PLCB1: variants seen among roughly 807,000 people sequenced by gnomAD.
PLCB1 encodes the protein phospholipase C beta 1.
In PLCB1, 46 loss-of-function variants were observed where a neutral mutation model predicts 161.8. The observed-to-expected ratio is 0.28, with a 90% confidence interval of 0.22 to 0.36. The LOEUF is 0.36. Among genes scored for constraint, PLCB1 ranks in the 10% least tolerant of loss-of-function variants. The probability of loss-of-function intolerance (pLI) is 1.00; values close to 1 mark genes in which losing one functional copy is unlikely to be tolerated. For synonymous variants in PLCB1, 517 were observed against 503.7 expected (o/e 1.03, Z -0.35); for missense variants, 1,016 against 1,472.5 (o/e 0.69, Z 5.07).
At chr20:8,525,809 G>A (rs1478657490) in intron 3 of PLCB1, among the ~76,000 whole-genome samples, 1 of 150,880 alleles carries the variant, frequency 6.6e-6, no homozygotes, top group Non-Finnish European at 1.5e-5. Context: ...GGAGGCTAGA[G>A]GATGATGATG....
chr20:8,676,875 G>A (rs777089321), intron 9 of PLCB1, among the ~76,000 whole-genome samples: 15 of 152,098 alleles, frequency 9.9e-5, no homozygotes, highest in Non-Finnish European at 1.3e-4. Flanking sequence ...GTGAGAATTC[G>A]TTAAGTATAC....
chr20:8,204,820 T>G (rs940082418), intron 2 of PLCB1, among the ~76,000 whole-genome samples: 7 of 152,206 alleles, frequency 4.6e-5, no homozygotes, highest in Non-Finnish European at 1.0e-4. Context: ...TCTGTTGTTA[T>G]TCAACAAATA....
rs1986238562 is a variant in PLCB1 at position 8,835,316 on chromosome 20, T to C, written c.3423+45055T>C. On this transcript the variant is annotated intron_variant, in intron 31 of 31. Transcript: ENST00000338037. The stretch of plus-strand genomic sequence containing the variant: ...GAGGTGAGGCTGGTAGCAGGCTTGA[T>C]AGACCATGGACATGGCTTTTTGTCT... Among the ~76,000 whole-genome samples, 3 of 152,188 alleles carry C rather than the reference T, an allele frequency of 2.0e-5. No individual in the cohort carries two copies. In the South Asian group the frequency reaches 6.2e-4, roughly 31 times the overall value.
intron 31 of PLCB1, among the ~76,000 whole-genome samples, chr20:8,818,644 T>C (rs575072050): frequency 6.6e-6 from 1 of 152,156 alleles, no homozygotes; most frequent in African/African-American, 2.4e-5. Context: ...ACTTAAAAAA[T>C]ATATAACATC....
intron 8 of PLCB1, among the ~76,000 whole-genome samples, chr20:8,658,118 T>G (rs548384939): frequency 2.6e-5 from 4 of 152,144 alleles, no homozygotes; most frequent in Non-Finnish European, 5.9e-5. Context: ...TTAAAAACAC[T>G]CAAACGGGTT....
At chr20:8,770,140 G>A (rs191130615) in intron 26 of PLCB1, among the ~76,000 whole-genome samples, 1,922 of 152,242 alleles carry the variant, frequency 0.013, 43 homozygotes, top group African/African-American at 0.043. Flanking sequence ...TTTTAGTAGA[G>A]ACGGGGTTTC....
intron 3 of PLCB1, among the ~76,000 whole-genome samples, chr20:8,491,975 T>A (rs1258696114): frequency 6.6e-6 from 1 of 151,684 alleles, no homozygotes; most frequent in Non-Finnish European, 1.5e-5. Flanking sequence ...TTGTTTCAGG[T>A]TGTTGAGGAT....
In PLCB1 at chr20:8,194,920, A is replaced by G. The variant is rs182957520; in HGVS notation, c.177+44549A>G. Among the ~76,000 whole-genome samples the G allele has an allele frequency of 2.8e-4, 42 of 152,114 alleles. 1 individual carries two copies. Among genetic ancestry groups the G allele is most frequent in the Admixed American group, 5.9e-4 (9 of 15,246 alleles). On this transcript the variant is annotated intron_variant, in intron 2 of 31. Transcript: ENST00000338037. Reference sequence around the variant, plus strand: ...TGTCTAAACCAACTTTGCTCACTGAAAAGCAGTGTAATAACACCACTGAAG... The same window carrying G: ...TGTCTAAACCAACTTTGCTCACTGAGAAGCAGTGTAATAACACCACTGAAG...
chr20:8,818,531 A>T (rs1985183457), intron 31 of PLCB1, among the ~76,000 whole-genome samples: 1 of 152,266 alleles, frequency 6.6e-6, no homozygotes. Flanking sequence ...ACTATTCAGA[A>T]TAATCTACAG....
chr20:8,728,976 A>G (rs1408017773), intron 17 of PLCB1, 74 bp from the exon 18 acceptor site: 2 of 1,003,762 alleles, frequency 2.0e-6, no homozygotes, highest in Non-Finnish European at 2.8e-6. Context: ...AGAAAGATGG[A>G]AGGTAGCTTC....
intron 12 of PLCB1, among the ~76,000 whole-genome samples, chr20:8,709,214 T>G (rs1373392658): frequency 1.3e-5 from 2 of 152,184 alleles, no homozygotes; most frequent in African/African-American, 2.4e-5. Flanking sequence ...AATCTCCATA[T>G]TCCCCCTTTT....
chr20:8,219,723 C>T (rs17345289), intron 2 of PLCB1, among the ~76,000 whole-genome samples: 7,594 of 152,202 alleles, frequency 0.05, 241 homozygotes, highest in Middle Eastern at 0.13. Flanking sequence ...GAGTTAAGTT[C>T]GCTTGCTCAC....
chr20:8,750,892 T>A (rs546839235), intron 23 of PLCB1: 2 of 1,284,914 alleles, frequency 1.6e-6, no homozygotes, highest in South Asian at 2.3e-5. Flanking sequence ...GTGGTGCCCA[T>A]CCAAAGCAAG....
chr20:8,626,234 C>T (rs908081773), intron 3 of PLCB1, among the ~76,000 whole-genome samples: 6 of 150,134 alleles, frequency 4.0e-5, no homozygotes, highest in Admixed American at 1.3e-4. Context: ...GGAAACTTTT[C>T]AAACAAAGAT....
chr20:8,862,913 A>G (rs1248969084), intron 31 of PLCB1, among the ~76,000 whole-genome samples: 1 of 152,218 alleles, frequency 6.6e-6, no homozygotes, highest in South Asian at 2.1e-4. Flanking sequence ...GAAGTGAAGC[A>G]GGAAAGGGAG....
At chr20:8,427,275 G>A (rs1979825994) in intron 3 of PLCB1, among the ~76,000 whole-genome samples, 1 of 152,130 alleles carries the variant, frequency 6.6e-6, no homozygotes, top group Admixed American at 6.5e-5. Context: ...GACATACTCA[G>A]ATTTGTAGCA....
At chr20:8,250,788 G>A (rs977759499) in intron 2 of PLCB1, among the ~76,000 whole-genome samples, 22 of 151,856 alleles carry the variant, frequency 1.4e-4, no homozygotes, top group African/African-American at 4.8e-4. Flanking sequence ...TGAGGCTGTC[G>A]GTCTACAAAT....
intron 31 of PLCB1, among the ~76,000 whole-genome samples, chr20:8,807,604 C>T (rs1450298797): frequency 4.0e-5 from 6 of 151,114 alleles, no homozygotes; most frequent in Middle Eastern, 3.2e-3. Context: ...TTATTAAATG[C>T]CTACTACACA....
intron 18 of PLCB1, among the ~76,000 whole-genome samples, chr20:8,733,020 A>G (rs1305292405): frequency 6.6e-6 from 1 of 151,824 alleles, no homozygotes; most frequent in Non-Finnish European, 1.5e-5. Flanking sequence ...TGAAGTGGAA[A>G]AGCAGACTGC....
Sources: allele counts gnomAD v4.1 joint callset (sites outside exome capture counted in the v4.1 genomes callset), GRCh38; gene constraint gnomAD v4.1.1; transcripts MANE v1.5; gene names NCBI Gene and HGNC (gene_info 2026-07-23, HGNC 2026-07-21).